The following ARSH variants were observed in gnomAD, a reference collection of about 807,000 sequenced individuals.
The protein encoded by ARSH is arylsulfatase H.
ARSH carries 32 observed loss-of-function variants against 28.7 expected under a neutral mutation model. The observed-to-expected ratio is 1.11, with a 90% CI of 0.84 to 1.50. The LOEUF (loss-of-function observed/expected upper bound fraction) is 1.50, where lower values mean the gene tolerates loss of function less well. ARSH is among the 40% of genes most tolerant of loss of function. The pLI is 0.00. For synonymous variants in ARSH, 176 were observed against 177.3 expected (o/e 0.99, Z 0.06); for missense variants, 440 against 452.4 (o/e 0.97, Z 0.25).
At chrX:3,012,947 G>A in intron 2 of ARSH, 100 bp from the exon 3 acceptor site, 1 of 1,026,688 alleles carries the variant, frequency 9.7e-7, no homozygotes, top group Non-Finnish European at 1.3e-6. Context: ...GGGAAGAATG[G>A]CTTTGAGGAG....
At chrX:3,031,945 C>T (rs988105144) in intron 8 of ARSH, among the ~76,000 whole-genome samples, 1 of 111,227 alleles carries the variant, frequency 9.0e-6, no homozygotes, top group African/African-American at 3.3e-5. Flanking sequence ...TTCCTCCAAG[C>T]ATCACACCTG....
At chrX:3,008,684 G>C (rs1334414325) in intron 1 of ARSH, among the ~76,000 whole-genome samples, 2 of 109,072 alleles carry the variant, frequency 1.8e-5, no homozygotes, top group African/African-American at 6.7e-5. Flanking sequence ...TGAGTAGCTG[G>C]GACTATAGGC....
chrX:3,020,355 C>T (rs1279534878), intron 5 of ARSH, among the ~76,000 whole-genome samples: 4 of 102,610 alleles, frequency 3.9e-5, no homozygotes, highest in African/African-American at 7.2e-5. Context: ...TTTGGGAGGC[C>T]GAGGCGGGCG....
chrX:3,018,143 G>A (rs1366053460), intron 4 of ARSH, among the ~76,000 whole-genome samples: 1 of 111,758 alleles, frequency 8.9e-6, no homozygotes, highest in East Asian at 2.8e-4. Context: ...GGGATCACAG[G>A]TGTGCCATTA....
chrX:3,021,155 AT>A (rs774907672), intron 5 of ARSH, among the ~76,000 whole-genome samples: 1,643 of 104,767 alleles, frequency 0.016, 15 homozygotes, highest in Middle Eastern at 0.036. Context: ...TATAATTGGG[AT>A]TTTTTTTTTT....
chrX:3,006,938 C>T (rs964797890), intron 1 of ARSH, among the ~76,000 whole-genome samples: 8 of 111,200 alleles, frequency 7.2e-5, no homozygotes, highest in Non-Finnish European at 1.5e-4. Flanking sequence ...GCAAAATTTA[C>T]ATTTAAAAAT....
chrX:3,015,333 C>T lies in ARSH; in HGVS notation c.704C>T (p.Pro235Leu), dbSNP rs770426803. The T allele has an allele frequency of 4.1e-6, 5 of 1,209,922 alleles. No individual in the cohort carries two copies. In the East Asian group the frequency reaches 1.5e-4, roughly 36 times the overall value. ...AGGAACCATGAAATTATCCAGCAGC[C>T]AATGAAAGAGGAGAAAGTAGCTTCC... ...LMRNHEIIQQ[P>L]MKEEKVASLM... The change falls in exon 4 of 9, where the codon CCA becomes CTA. Residue 235 changes from proline to leucine, a missense_variant. Coordinates refer to ENST00000381130, the MANE Select transcript of ARSH (RefSeq NM_001011719.2).
intron 2 of ARSH, among the ~76,000 whole-genome samples, chrX:3,012,346 C>T (rs957101253): frequency 9.8e-6 from 1 of 102,022 alleles, no homozygotes; most frequent in African/African-American, 3.6e-5. Flanking sequence ...GAGACCAGCC[C>T]GGCCAACATA....
intron 5 of ARSH, 71 bp from the exon 6 acceptor site, chrX:3,023,950 G>A (rs2089891551): frequency 1.9e-5 from 22 of 1,130,758 alleles, no homozygotes; most frequent in Non-Finnish European, 2.3e-5. Context: ...ATACATAGTA[G>A]CAGATATGTA....
intron 2 of ARSH, among the ~76,000 whole-genome samples, chrX:3,010,872 T>C (rs538665252): frequency 1.6e-4 from 18 of 112,077 alleles, no homozygotes; most frequent in African/African-American, 5.8e-4. Context: ...TTAGTATACC[T>C]GCCTTCACAG....
intron 1 of ARSH, among the ~76,000 whole-genome samples, chrX:3,007,424 C>G (rs1422632769): frequency 9.0e-6 from 1 of 111,342 alleles, no homozygotes; most frequent in African/African-American, 3.3e-5. Flanking sequence ...TGTGTCTCTT[C>G]TTAGAATTTC....
intron 1 of ARSH, 142 bp downstream of exon 1, chrX:3,006,846 A>G (rs903197243): frequency 2.2e-6 from 1 of 446,939 alleles, no homozygotes; most frequent in Non-Finnish European, 3.6e-6. Context: ...GTCACTGGGG[A>G]AAATTGCAAA....
intron 3 of ARSH, among the ~76,000 whole-genome samples, chrX:3,014,428 G>T (rs936944307): frequency 1.8e-5 from 2 of 111,487 alleles, no homozygotes. Context: ...TTTGGTTCTT[G>T]ATGAAATTCT....
chrX:3,022,202 A>T (rs2089886306), intron 5 of ARSH, among the ~76,000 whole-genome samples: 1 of 111,717 alleles, frequency 9.0e-6, no homozygotes, highest in South Asian at 3.7e-4. Context: ...TCTGGAACAG[A>T]AAAAGAATTT....
chrX:3,026,423 G>A (rs1345349818), intron 6 of ARSH, among the ~76,000 whole-genome samples: 2 of 112,324 alleles, frequency 1.8e-5, no homozygotes, highest in Non-Finnish European at 3.8e-5. Flanking sequence ...TTTTCTGCTA[G>A]AGGCTTCCGG....
intron 4 of ARSH, among the ~76,000 whole-genome samples, chrX:3,018,111 T>C (rs1300377001): frequency 8.9e-6 from 1 of 111,834 alleles, no homozygotes; most frequent in African/African-American, 3.3e-5. Flanking sequence ...GCGAACCCCT[T>C]GCCTCAGCCT....
chrX:3,019,152 C>T (rs757394870), intron 5 of ARSH, among the ~76,000 whole-genome samples: 4 of 108,456 alleles, frequency 3.7e-5, no homozygotes, highest in African/African-American at 1.3e-4. Context: ...GTAGTCCCAG[C>T]TGCTCGGGAG....
Position 3,015,208 on chromosome X carries a change from A to G in ARSH, c.579A>G (p.Pro193=), listed in dbSNP as rs777345039. The change falls in exon 4 of 9, where the codon CCA becomes CCG. Residue 193 remains proline (P), a synonymous_variant. Coordinates refer to ENST00000381130, the MANE Select transcript of ARSH (RefSeq NM_001011719.2). The part of the protein sequence containing the change: ...IPKFARWFSV[P]WKVIFVFALL... ...AGTTCGCCCGCTGGTTCTCAGTGCC[A>G]TGGAAGGTCATCTTTGTCTTTGCTC... The G allele has an allele frequency of 8.3e-7, 1 of 1,208,603 alleles. No homozygotes were observed. The highest frequency in any genetic ancestry group is 3.0e-5 in the East Asian group (1 of 33,738).
chrX:3,015,783 C>T lies in ARSH; in HGVS notation c.764+390C>T, dbSNP rs997911892. Among the ~76,000 whole-genome samples the T allele has an allele frequency of 2.6e-4, 28 of 109,583 alleles. 1 individual carries two copies. Among genetic ancestry groups the T allele is most frequent in the African/African-American group, 8.6e-4 (26 of 30,140 alleles). On this transcript the variant is annotated intron_variant, in intron 4 of 8. Coordinates refer to ENST00000381130, the MANE Select transcript of ARSH (RefSeq NM_001011719.2). Reference sequence around the variant, plus strand: ...TTACCCCCTGAGTGCAATAGACCCACGTAACAAACTGGCACATGGAGACCC... The same window carrying T: ...TTACCCCCTGAGTGCAATAGACCCATGTAACAAACTGGCACATGGAGACCC...
Sources: allele counts gnomAD v4.1 joint callset (sites outside exome capture counted in the v4.1 genomes callset), GRCh38; gene constraint gnomAD v4.1.1; transcripts MANE v1.5; gene names NCBI Gene and HGNC (gene_info 2026-07-23, HGNC 2026-07-21).